The following SLIT3 variants were observed in gnomAD, a reference collection of about 807,000 sequenced individuals.
SLIT3 encodes the protein slit guidance ligand 3.
SLIT3 carries 68 observed loss-of-function variants against 184.0 expected under a neutral mutation model. The ratio of observed to expected loss-of-function variants is 0.37; its 90% CI spans 0.30 to 0.45. The LOEUF is 0.45. Among genes scored for constraint, SLIT3 ranks in the 20% least tolerant of loss-of-function variants. The pLI is 1.00. For missense variants in SLIT3, 1,707 were observed against 2,026.0 expected (o/e 0.84, Z 3.02); for synonymous variants, 831 against 828.6 (o/e 1.00, Z -0.05).
At chr5:169,258,319 C>T (rs572532841) in intron 1 of SLIT3, among the ~76,000 whole-genome samples, 139 of 152,248 alleles carry the variant, frequency 9.1e-4, no homozygotes, top group African/African-American at 3.2e-3. Flanking sequence ...AATGCACAAA[C>T]AAACATAATA....
intron 4 of SLIT3, among the ~76,000 whole-genome samples, chr5:168,941,341 T>C (rs1481854957): frequency 2.0e-5 from 3 of 152,200 alleles, no homozygotes; most frequent in Non-Finnish European, 4.4e-5. Flanking sequence ...TGGCTCTATA[T>C]ACTCCCTAGG....
chr5:169,247,707 C>A (rs137947715), intron 2 of SLIT3, among the ~76,000 whole-genome samples: 1 of 152,046 alleles, frequency 6.6e-6, no homozygotes, highest in South Asian at 2.1e-4. Context: ...TTGTCACCCA[C>A]GCTGGAGTGC....
chr5:168,692,464 A>C lies in SLIT3; in HGVS notation c.3176+143T>G, dbSNP rs59210447. 7.6e-3 allele frequency: 4,506 copies of C among 592,286 alleles called. 120 individuals are homozygous for C. The highest frequency in any genetic ancestry group is 0.047 in the East Asian group (1,637 of 35,002). The allele number at this position is 592,286 out of a possible 1,614,324, so 36.7% of individuals were successfully genotyped here. ...CATAGGGAAACAGACTGAGATAATT[A>C]GATCATGGCTGAATCAGAGATGCAG... On this transcript the variant is annotated intron_variant, in intron 29 of 35. Coordinates refer to ENST00000519560, the MANE Select transcript of SLIT3 (RefSeq NM_003062.4).
intron 4 of SLIT3, among the ~76,000 whole-genome samples, chr5:168,960,757 C>T (rs1762977875): frequency 6.6e-6 from 1 of 152,204 alleles, no homozygotes; most frequent in Non-Finnish European, 1.5e-5. Context: ...AACACAAACC[C>T]GAGTTATGAT....
chr5:168,935,195 G>A (rs1387282357), intron 4 of SLIT3, among the ~76,000 whole-genome samples: 1 of 149,390 alleles, frequency 6.7e-6, no homozygotes, highest in Non-Finnish European at 1.5e-5. Flanking sequence ...CCCTATTAAA[G>A]AGGTATTGCC....
chr5:168,712,200 A>C, intron 24 of SLIT3, 83 bp downstream of exon 24: 5 of 1,210,546 alleles, frequency 4.1e-6, no homozygotes, highest in Non-Finnish European at 6.2e-6. Context: ...ATCTGCCAAA[A>C]TGCTGACAGT....
At chr5:169,107,676 G>T (rs1434532526) in intron 4 of SLIT3, among the ~76,000 whole-genome samples, 1 of 152,200 alleles carries the variant, frequency 6.6e-6, no homozygotes, top group Non-Finnish European at 1.5e-5. Flanking sequence ...AATTCTCCTT[G>T]TTTGGGTCTG....
intron 33 of SLIT3, 28 bp from the exon 34 acceptor site, chr5:168,671,511 C>G (rs1761243608): frequency 1.9e-6 from 3 of 1,591,130 alleles, no homozygotes; most frequent in Non-Finnish European, 2.6e-6. Flanking sequence ...GGACAGTGGC[C>G]TGAAGACCCT....
chr5:168,829,723 G>T (rs1195530984), intron 6 of SLIT3, among the ~76,000 whole-genome samples: 1 of 152,234 alleles, frequency 6.6e-6, no homozygotes, highest in Non-Finnish European at 1.5e-5. Context: ...TAACAGAGGT[G>T]GATGCAGCCA....
chr5:169,235,269 A>G (rs535684901), intron 3 of SLIT3, among the ~76,000 whole-genome samples: 1 of 152,316 alleles, frequency 6.6e-6, no homozygotes, highest in South Asian at 2.1e-4. Flanking sequence ...CTTTTAAAGC[A>G]GTATTCATCC....
chr5:168,772,834 C>A lies in SLIT3; in HGVS notation c.1406G>T (p.Arg469Leu). ...TSGARCSSPRRLANKRISQIK... is the reference protein window; with the variant it reads ...TSGARCSSPRLLANKRISQIK... ...CTGGCTGATGCGCTTGTTGGCGAGT[C>A]GGCGCGGGCTGCTGCAGCGGGCCCC... The change falls in exon 14 of 36, where the codon CGA becomes CTA. Residue 469 changes from arginine (R) to leucine (L), a missense_variant. By Grantham distance (102) the Arg-to-Leu change is moderately radical (BLOSUM62 -2). Around this residue, in one of 3 missense-constraint regions of SLIT3, gnomAD observed 1,307 missense variants for 1,511.6 expected, o/e 0.86. Transcript: ENST00000519560. 6.2e-7 allele frequency: 1 copy of A among 1,614,042 alleles called. No homozygotes were observed. The highest frequency in any genetic ancestry group is 8.5e-7 in the Non-Finnish European group (1 of 1,180,016).
chr5:168,817,272 G>A (rs1448769362), intron 8 of SLIT3, 28 bp downstream of exon 8: 2 of 1,610,910 alleles, frequency 1.2e-6, no homozygotes, highest in African/African-American at 2.7e-5. Context: ...CATAGCACAG[G>A]AGGGGAGAGC....
At chr5:168,818,915 T>A (rs780045094) in intron 7 of SLIT3, among the ~76,000 whole-genome samples, 5 of 152,280 alleles carry the variant, frequency 3.3e-5, no homozygotes, top group Non-Finnish European at 5.9e-5. Flanking sequence ...ATAGATTAAA[T>A]GAACCTATAT....
chr5:169,086,306 G>C (rs969993697), intron 4 of SLIT3, among the ~76,000 whole-genome samples: 10 of 152,318 alleles, frequency 6.6e-5, no homozygotes, highest in African/African-American at 2.2e-4. Flanking sequence ...AAAGTGTGTT[G>C]GTGAATCCAT....
chr5:169,243,409 G>A (rs1321812792), intron 3 of SLIT3, among the ~76,000 whole-genome samples: 1 of 152,130 alleles, frequency 6.6e-6, no homozygotes, highest in African/African-American at 2.4e-5. Context: ...AAATAAACGT[G>A]TAAACAGAGA....
chr5:168,823,190 A>G, intron 7 of SLIT3, 70 bp downstream of exon 7: 1 of 1,166,750 alleles, frequency 8.6e-7, no homozygotes, highest in Non-Finnish European at 1.3e-6. Flanking sequence ...TTTGACAAGC[A>G]GCGTAGAGTG....
At chr5:168,797,348 C>T (rs997005131) in intron 9 of SLIT3, among the ~76,000 whole-genome samples, 1 of 152,234 alleles carries the variant, frequency 6.6e-6, no homozygotes, top group African/African-American at 2.4e-5. Context: ...TCCCGTCATT[C>T]ACCTGCCACT....
chr5:168,803,136 G>A (rs190258333), intron 9 of SLIT3, among the ~76,000 whole-genome samples: 1 of 152,252 alleles, frequency 6.6e-6, no homozygotes, highest in African/African-American at 2.4e-5. Flanking sequence ...CAATCTGTGT[G>A]TATCTACTAT....
intron 10 of SLIT3, among the ~76,000 whole-genome samples, chr5:168,794,592 G>A (rs1756501095): frequency 6.6e-6 from 1 of 152,202 alleles, no homozygotes; most frequent in Admixed American, 6.5e-5. Flanking sequence ...GTGGAGTGGT[G>A]TGACTTACAG....
Sources: gnomAD v4.1 joint callset for allele counts (sites outside exome capture counted in the v4.1 genomes callset) on GRCh38, gnomAD v4.1.1 for gene constraint, gnomAD v4.1.1 regional missense constraint, MANE v1.5 for transcripts, NCBI Gene and HGNC (gene_info 2026-07-23, HGNC 2026-07-21) for gene names.